Variants in DSCAM observed in about 807,000 individuals in gnomAD.
The protein encoded by DSCAM is cell adhesion molecule DSCAM.
Under a neutral mutation model 217.7 loss-of-function variants are expected in DSCAM, and 47 were observed. The observed-to-expected ratio is 0.22, with a 90% CI of 0.17 to 0.28. The LOEUF is 0.28. Ranked by LOEUF, DSCAM falls within the 10% of genes least tolerant of loss-of-function variation. DSCAM has a pLI of 1.00. For missense variants in DSCAM, 2,080 were observed against 2,618.3 expected (o/e 0.79, Z 4.49); for synonymous variants, 1,056 against 1,015.3 (o/e 1.04, Z -0.76).
chr21:40,275,976 C>A (rs908908643), intron 11 of DSCAM, 121 bp downstream of exon 11: 5 of 1,076,196 alleles, frequency 4.6e-6, no homozygotes, highest in Non-Finnish European at 6.3e-6. Flanking sequence ...AGCTATATCA[C>A]ACCAACGGGT....
At chr21:40,256,400 C>CAGAGAGAG (rs201482308) in intron 11 of DSCAM, among the ~76,000 whole-genome samples, 11 of 147,324 alleles carry the variant, frequency 7.5e-5, no homozygotes, top group African/African-American at 2.9e-4. Flanking sequence ...GAGAGAGAGA[C>CAGAGAGAG]AGACAGAGAG....
intron 20 of DSCAM, among the ~76,000 whole-genome samples, chr21:40,108,956 A>T (rs140029587): frequency 0.011 from 1,722 of 152,334 alleles, 37 homozygotes; most frequent in African/African-American, 0.039. Context: ...TATGCAGAAG[A>T]TTGAAGCTGG....
intron 32 of DSCAM, among the ~76,000 whole-genome samples, chr21:40,021,304 G>A (rs1027728221): frequency 1.3e-5 from 2 of 152,030 alleles, no homozygotes; most frequent in Non-Finnish European, 2.9e-5. Flanking sequence ...GGGAAAAGGG[G>A]AACATGGTAA....
Position 40,801,632 on chromosome 21 carries a change from C to T in DSCAM, c.43+44987G>A, listed in dbSNP as rs80106035. Among the ~76,000 whole-genome samples, 583 of 152,286 alleles carry T rather than the reference C, an allele frequency of 3.8e-3. 11 individuals carry two copies. The highest frequency in any genetic ancestry group is 0.013 in the African/African-American group (560 of 41,554). ...CAAGGCCACCAGAGGACTCTGTTTC[C>T]TGCACTCCAGAACGGTGCTCCACAA... On this transcript the variant is annotated intron_variant, in intron 1 of 32. Transcript: ENST00000400454.
At chr21:40,250,250 C>T (rs138696084) in intron 11 of DSCAM, among the ~76,000 whole-genome samples, 3 of 152,124 alleles carry the variant, frequency 2.0e-5, no homozygotes, top group East Asian at 1.9e-4. Flanking sequence ...ATGTGGTCTG[C>T]GACATCTCTG....
intron 8 of DSCAM, among the ~76,000 whole-genome samples, chr21:40,326,570 T>C (rs2074319622): frequency 6.6e-6 from 1 of 152,196 alleles, no homozygotes; most frequent in Non-Finnish European, 1.5e-5. Flanking sequence ...TATTTAGTGT[T>C]GCTCTAGAGG....
chr21:40,700,823 G>A (rs75849852), intron 2 of DSCAM, among the ~76,000 whole-genome samples: 15,573 of 149,390 alleles, frequency 0.1, 904 homozygotes, highest in Admixed American at 0.17. Flanking sequence ...TGTAACCTTC[G>A]CCTCCTGGGT....
intron 10 of DSCAM, among the ~76,000 whole-genome samples, chr21:40,286,916 G>A (rs192667487): frequency 1.1e-3 from 174 of 151,712 alleles, no homozygotes; most frequent in Non-Finnish European, 1.8e-3. Flanking sequence ...AGCATGATCT[G>A]CAGTATGATC....
At chr21:40,672,429 T>G (rs1463902023) in intron 3 of DSCAM, among the ~76,000 whole-genome samples, 1 of 152,118 alleles carries the variant, frequency 6.6e-6, no homozygotes, top group Non-Finnish European at 1.5e-5. Flanking sequence ...TTTCTTTTAT[T>G]TTGACTAACT....
intron 11 of DSCAM, among the ~76,000 whole-genome samples, chr21:40,210,974 T>C (rs187435253): frequency 6.6e-6 from 1 of 152,240 alleles, no homozygotes. Context: ...TGAGGAACTA[T>C]TCCACACCAC....
In DSCAM at chr21:40,436,626, C is replaced by T. The variant is rs2075585186; in HGVS notation, c.509-67381G>A. On this transcript the variant is annotated intron_variant, in intron 3 of 32. Coordinates refer to ENST00000400454, the MANE Select transcript of DSCAM (RefSeq NM_001389.5). ...CTCACCTGAGACTTGTTTGGCAGAA[C>T]ACCAGTTCTGTGGGATATGATGAGG... Among the ~76,000 whole-genome samples the T allele has an allele frequency of 2.0e-5, 3 of 152,306 alleles. No individual in the cohort carries two copies. In the South Asian group the frequency reaches 6.2e-4, roughly 32 times the overall value.
At chr21:40,606,265 T>G (rs960288095) in intron 3 of DSCAM, among the ~76,000 whole-genome samples, 9 of 152,130 alleles carry the variant, frequency 5.9e-5, no homozygotes, top group African/African-American at 2.2e-4. Context: ...AGTGTTGGTG[T>G]TGGGGCCACG....
chr21:40,787,455 T>C (rs964020754), intron 1 of DSCAM, among the ~76,000 whole-genome samples: 6 of 152,198 alleles, frequency 3.9e-5, no homozygotes, highest in African/African-American at 1.4e-4. Flanking sequence ...CCTGACTTAA[T>C]GTCTCACCCC....
chr21:40,805,055 C>T (rs1010225453), intron 1 of DSCAM, among the ~76,000 whole-genome samples: 4 of 152,128 alleles, frequency 2.6e-5, no homozygotes, highest in African/African-American at 9.7e-5. Context: ...TAGCTCACTT[C>T]CCCCCAACTC....
At chr21:40,300,531 G>A (rs902691236) in intron 9 of DSCAM, among the ~76,000 whole-genome samples, 1 of 152,154 alleles carries the variant, frequency 6.6e-6, no homozygotes, top group African/African-American at 2.4e-5. Context: ...TGCACTAAGG[G>A]GATGCGGCCC....
intron 3 of DSCAM, among the ~76,000 whole-genome samples, chr21:40,486,958 T>C (rs988851219): frequency 1.3e-5 from 2 of 152,068 alleles, no homozygotes; most frequent in East Asian, 1.9e-4. Context: ...GGGTCATCAG[T>C]GCCTGCCTTT....
chr21:40,585,919 C>G (rs529388685), intron 3 of DSCAM, among the ~76,000 whole-genome samples: 185 of 152,304 alleles, frequency 1.2e-3, no homozygotes, highest in Middle Eastern at 3.4e-3. Context: ...TGCAATGGCA[C>G]TATCTCAGCT....
At chr21:40,653,789 G>A (rs183056268) in intron 3 of DSCAM, among the ~76,000 whole-genome samples, 29 of 152,234 alleles carry the variant, frequency 1.9e-4, no homozygotes, top group African/African-American at 4.3e-4. Flanking sequence ...TAACCATGCC[G>A]TCTTTGTGGA....
chr21:40,107,658 G>C (rs543091822), intron 20 of DSCAM, among the ~76,000 whole-genome samples: 1 of 152,226 alleles, frequency 6.6e-6, no homozygotes, highest in African/African-American at 2.4e-5. Context: ...TGGTCTCTAA[G>C]AACTTGCTTT....
Sources: allele counts gnomAD v4.1 joint callset (sites outside exome capture counted in the v4.1 genomes callset), GRCh38; gene constraint gnomAD v4.1.1; transcripts MANE v1.5; gene names NCBI Gene and HGNC (gene_info 2026-07-23, HGNC 2026-07-21).